Variants in RBFOX1 observed in about 807,000 individuals in gnomAD.
RBFOX1 encodes RNA binding fox-1 homolog 1, also known as RNA binding protein fox-1 homolog 1.
Under a neutral mutation model 57.7 loss-of-function variants are expected in RBFOX1, and 8 were observed. The ratio of observed to expected loss-of-function variants is 0.14; its 90% confidence interval spans 0.08 to 0.25. The LOEUF (loss-of-function observed/expected upper bound fraction) is 0.25, where lower values mean the gene tolerates loss of function less well. Among genes scored for constraint, RBFOX1 ranks in the 10% least tolerant of loss-of-function variants. RBFOX1 has a pLI of 1.00. For synonymous variants in RBFOX1, 326 were observed against 222.4 expected (o/e 1.47, Z -4.15); for missense variants, 611 against 548.5 (o/e 1.11, Z -1.14).
chr16:5,417,048 A>G (rs1044976197), intron 1 of RBFOX1, among the ~76,000 whole-genome samples: 2 of 152,234 alleles, frequency 1.3e-5, no homozygotes, highest in Admixed American at 6.5e-5. Context: ...AACAACAACA[A>G]TAACAATGAC....
At chr16:6,547,306 A>G (rs772602635) in intron 2 of RBFOX1, among the ~76,000 whole-genome samples, 13 of 152,184 alleles carry the variant, frequency 8.5e-5, no homozygotes, top group African/African-American at 2.2e-4. Flanking sequence ...CACATTCCCA[A>G]CAAATTTCAC....
chr16:6,355,847 C>T (rs1053222523), intron 2 of RBFOX1, among the ~76,000 whole-genome samples: 1 of 152,106 alleles, frequency 6.6e-6, no homozygotes, highest in African/African-American at 2.4e-5. Context: ...ATTCTTTCAA[C>T]TAGAAGTTGG....
intron 4 of RBFOX1, chr16:7,304,627 G>A (rs2096127887): frequency 3.1e-6 from 3 of 973,666 alleles, no homozygotes; most frequent in Non-Finnish European, 2.4e-6. Context: ...GTGGATGGAA[G>A]CCTCCTGCTC....
intron 4 of RBFOX1, among the ~76,000 whole-genome samples, chr16:7,110,152 C>A (rs563204939): frequency 6.8e-6 from 1 of 148,038 alleles, no homozygotes; most frequent in South Asian, 2.1e-4. Context: ...GAGTGTGAGA[C>A]CAGCCTGGGC....
chr16:5,818,809 C>G (rs2055741204), intron 3 of RBFOX1, among the ~76,000 whole-genome samples: 1 of 152,166 alleles, frequency 6.6e-6, no homozygotes, highest in African/African-American at 2.4e-5. Context: ...CCATTATGTT[C>G]TATGCATACC....
intron 3 of RBFOX1, among the ~76,000 whole-genome samples, chr16:5,778,993 A>G (rs1372908851): frequency 6.6e-6 from 1 of 152,202 alleles, no homozygotes; most frequent in East Asian, 1.9e-4. Flanking sequence ...AACTCATTTA[A>G]CAATTGTATA....
intron 14 of RBFOX1, among the ~76,000 whole-genome samples, chr16:7,690,664 C>T (rs1461524890): frequency 3.2e-5 from 2 of 62,144 alleles, no homozygotes; most frequent in African/African-American, 5.4e-5. Context: ...CTGCATTGTT[C>T]TGATCTTTTA....
At chr16:6,742,089 G>T (rs1477404816) in intron 3 of RBFOX1, among the ~76,000 whole-genome samples, 2 of 152,084 alleles carry the variant, frequency 1.3e-5, no homozygotes, top group South Asian at 2.1e-4. Flanking sequence ...ACATCATGTT[G>T]TACGTGATAA....
chr16:5,282,121 C>T (rs930922113), intron 1 of RBFOX1, among the ~76,000 whole-genome samples: 4 of 152,194 alleles, frequency 2.6e-5, no homozygotes, highest in Non-Finnish European at 5.9e-5. Context: ...GAATCAGTCT[C>T]ATGAGATCTG....
chr16:7,636,735 C>CAAGA (rs1410775517), intron 11 of RBFOX1, among the ~76,000 whole-genome samples: 2 of 152,128 alleles, frequency 1.3e-5, no homozygotes, highest in Non-Finnish European at 2.9e-5. Context: ...GCTGGAAGTC[C>CAAGA]AAGATCAGGG....
At chr16:5,378,200 G>C (rs1421269231) in intron 1 of RBFOX1, among the ~76,000 whole-genome samples, 1 of 151,642 alleles carries the variant, frequency 6.6e-6, no homozygotes, top group Non-Finnish European at 1.5e-5. Flanking sequence ...TTCTCCTTGG[G>C]AAGTAGGGTC....
chr16:7,176,178 C>G (rs2081609395), intron 4 of RBFOX1, among the ~76,000 whole-genome samples: 1 of 151,004 alleles, frequency 6.6e-6, no homozygotes, highest in South Asian at 2.1e-4. Flanking sequence ...GGCTCCTTAA[C>G]TGTGTTAGCT....
chr16:6,090,887 T>G (rs1186644256), intron 1 of RBFOX1, among the ~76,000 whole-genome samples: 4 of 152,202 alleles, frequency 2.6e-5, no homozygotes, highest in African/African-American at 9.6e-5. Context: ...TTATCCTGCT[T>G]CTGCTCCAAG....
chr16:7,015,368 A>G (rs2153662596), intron 3 of RBFOX1, among the ~76,000 whole-genome samples: 1 of 152,244 alleles, frequency 6.6e-6, no homozygotes, highest in East Asian at 1.9e-4. Flanking sequence ...GGGCATCAGA[A>G]CCACCTCAGA....
chr16:7,066,607 G>T (rs766626078), intron 4 of RBFOX1, among the ~76,000 whole-genome samples: 2 of 152,146 alleles, frequency 1.3e-5, no homozygotes, highest in South Asian at 2.1e-4. Flanking sequence ...CTCATAAAGC[G>T]GGGGGTGTTT....
chr16:7,558,344 G>A (rs2089343116), intron 5 of RBFOX1, among the ~76,000 whole-genome samples: 1 of 151,808 alleles, frequency 6.6e-6, no homozygotes, highest in Admixed American at 6.6e-5. Flanking sequence ...ACAAAGTGAG[G>A]CTCTGTCTCA....
intron 3 of RBFOX1, among the ~76,000 whole-genome samples, chr16:6,938,417 C>G (rs2077733831): frequency 6.6e-6 from 1 of 152,158 alleles, no homozygotes; most frequent in Non-Finnish European, 1.5e-5. Context: ...AAAAATGTAA[C>G]TGTTACACTG....
intron 1 of RBFOX1, among the ~76,000 whole-genome samples, chr16:5,360,345 C>T (rs74003887): frequency 0.022 from 3,374 of 152,284 alleles, 127 homozygotes; most frequent in African/African-American, 0.077. Context: ...TATATCAGCG[C>T]CAGGCAGCTC....
At chr16:7,315,262 G>T (rs2096410474) in intron 4 of RBFOX1, among the ~76,000 whole-genome samples, 1 of 151,926 alleles carries the variant, frequency 6.6e-6, no homozygotes, top group African/African-American at 2.4e-5. Context: ...AAATTAGAAT[G>T]ATACTTTAAA....
Sources: gnomAD v4.1 joint callset for allele counts (sites outside exome capture counted in the v4.1 genomes callset) on GRCh38, gnomAD v4.1.1 for gene constraint, MANE v1.5 for transcripts, NCBI Gene and HGNC (gene_info 2026-07-23, HGNC 2026-07-21) for gene names.